Variants in CNTNAP2 observed in about 807,000 individuals in gnomAD.
CNTNAP2 encodes the protein contactin-associated protein-like 2.
In CNTNAP2, 98 loss-of-function variants were observed where a neutral mutation model predicts 155.2. The observed-to-expected ratio is 0.63, with a 90% confidence interval of 0.54 to 0.75. The LOEUF is 0.75. Ranked by LOEUF, CNTNAP2 falls within the 30% of genes least tolerant of loss-of-function variation. The pLI is 0.00. For missense variants in CNTNAP2, 1,727 were observed against 1,688.1 expected (o/e 1.02, Z -0.40); for synonymous variants, 651 against 631.2 (o/e 1.03, Z -0.47).
At chr7:146,194,505 T>G (rs1312633615) in intron 1 of CNTNAP2, among the ~76,000 whole-genome samples, 1 of 152,104 alleles carries the variant, frequency 6.6e-6, no homozygotes, top group Non-Finnish European at 1.5e-5. Flanking sequence ...TCCCCGTGAG[T>G]CAATTACCTC....
At chr7:146,559,672 T>G (rs1265215538) in intron 1 of CNTNAP2, among the ~76,000 whole-genome samples, 1 of 152,214 alleles carries the variant, frequency 6.6e-6, no homozygotes, top group Non-Finnish European at 1.5e-5. Flanking sequence ...AGTGCCTGTA[T>G]AACAGAATAT....
intron 12 of CNTNAP2, among the ~76,000 whole-genome samples, chr7:147,626,489 C>T (rs1317833757): frequency 6.6e-6 from 1 of 152,148 alleles, no homozygotes; most frequent in Non-Finnish European, 1.5e-5. Context: ...CAAGGAGAGG[C>T]TGAGCTCAGA....
chr7:146,956,345 C>T (rs969754392), intron 3 of CNTNAP2, among the ~76,000 whole-genome samples: 7 of 152,054 alleles, frequency 4.6e-5, no homozygotes, highest in Non-Finnish European at 2.9e-5. Context: ...CATCAAGTTG[C>T]ATCTCTCTAA....
chr7:146,812,544 C>T (rs897730282), intron 2 of CNTNAP2, among the ~76,000 whole-genome samples: 3 of 151,554 alleles, frequency 2.0e-5, no homozygotes, highest in African/African-American at 7.3e-5. Context: ...TGGTGTGCTG[C>T]ACCCATTAAC....
At chr7:146,896,320 A>T (rs946492193) in intron 3 of CNTNAP2, among the ~76,000 whole-genome samples, 2 of 152,004 alleles carry the variant, frequency 1.3e-5, no homozygotes, top group African/African-American at 2.4e-5. Flanking sequence ...TGCAGGAAAG[A>T]CTTCCTCTTC....
intron 14 of CNTNAP2, among the ~76,000 whole-genome samples, chr7:147,922,971 C>T (rs1800311323): frequency 1.3e-5 from 2 of 151,930 alleles, no homozygotes; most frequent in African/African-American, 4.8e-5. Flanking sequence ...ATAGGAGTTT[C>T]CAGCAAGCAT....
intron 1 of CNTNAP2, among the ~76,000 whole-genome samples, chr7:146,303,231 A>G (rs1422715648): frequency 6.6e-6 from 1 of 152,106 alleles, no homozygotes; most frequent in African/African-American, 2.4e-5. Context: ...ACTTAGGCAT[A>G]GCTTTTAAAT....
At chr7:147,062,388 C>T (rs2129262816) in intron 4 of CNTNAP2, among the ~76,000 whole-genome samples, 1 of 151,886 alleles carries the variant, frequency 6.6e-6, no homozygotes, top group South Asian at 2.1e-4. Context: ...TAGTTTAGAG[C>T]AGAGTATGCA....
chr7:147,781,718 G>A (rs565459178), intron 13 of CNTNAP2, among the ~76,000 whole-genome samples: 12 of 152,226 alleles, frequency 7.9e-5, no homozygotes, highest in African/African-American at 2.9e-4. Flanking sequence ...AGCCTTTCAT[G>A]CACCTGATAG....
At chr7:148,187,132 ACACACACACACACAC>A (rs1562988452) in intron 18 of CNTNAP2, among the ~76,000 whole-genome samples, 3 of 151,138 alleles carry the variant, frequency 2.0e-5, no homozygotes, top group Non-Finnish European at 2.9e-5. Flanking sequence ...ACACACACAC[ACACACACACACACAC>A]AAACAGAGCC....
intron 22 of CNTNAP2, among the ~76,000 whole-genome samples, chr7:148,393,836 A>G (rs1332396112): frequency 6.6e-6 from 1 of 152,000 alleles, no homozygotes; most frequent in East Asian, 1.9e-4. Context: ...GTATCTTTGC[A>G]TATGTTTATA....
At chr7:147,353,464 A>C (rs1796004434) in intron 9 of CNTNAP2, among the ~76,000 whole-genome samples, 1 of 152,058 alleles carries the variant, frequency 6.6e-6, no homozygotes, top group Non-Finnish European at 1.5e-5. Flanking sequence ...TGTCCCTGCA[A>C]AGGACATGAA....
chr7:148,185,203 A>G (rs1044204927), intron 18 of CNTNAP2, among the ~76,000 whole-genome samples: 18 of 152,220 alleles, frequency 1.2e-4, no homozygotes, highest in African/African-American at 4.3e-4. Context: ...CCTCAGAGTT[A>G]TACTAGTTCA....
rs558594654 is a variant in CNTNAP2, at chr7:146,511,212, A to G, written c.98-263059A>G. Among the ~76,000 whole-genome samples the G allele has an allele frequency of 9.2e-5, 14 of 152,150 alleles. 1 individual carries two copies. The highest frequency in any genetic ancestry group is 1.8e-4 in the Non-Finnish European group (12 of 68,022). ...TGCACCCAGCCAGGTTTTTCTTAAT[A>G]TAAGATTGTGCCATCTGTGAACAGG... On this transcript the variant is annotated intron_variant, in intron 1 of 23. Transcript: ENST00000361727.
chr7:147,880,240 A>G (rs1388480886), intron 13 of CNTNAP2, among the ~76,000 whole-genome samples: 1 of 152,204 alleles, frequency 6.6e-6, no homozygotes, highest in African/African-American at 2.4e-5. Context: ...AAGGGTGGTC[A>G]TGGACAAAAG....
intron 15 of CNTNAP2, among the ~76,000 whole-genome samples, chr7:148,032,834 C>G (rs1166301565): frequency 6.6e-6 from 1 of 152,164 alleles, no homozygotes; most frequent in Non-Finnish European, 1.5e-5. Context: ...GAAATTCCCC[C>G]TCAACACAAA....
intron 3 of CNTNAP2, among the ~76,000 whole-genome samples, chr7:146,843,251 A>C: frequency 6.9e-6 from 1 of 144,874 alleles, no homozygotes; most frequent in African/African-American, 2.7e-5. Flanking sequence ...TGACCTCATG[A>C]TCCACCCGCC....
intron 3 of CNTNAP2, among the ~76,000 whole-genome samples, chr7:146,939,637 C>T (rs1297222997): frequency 6.6e-6 from 1 of 152,132 alleles, no homozygotes; most frequent in Non-Finnish European, 1.5e-5. Flanking sequence ...CTTCATTATA[C>T]TTCATTCTTA....
chr7:148,274,190 C>T (rs1026118016), intron 21 of CNTNAP2, among the ~76,000 whole-genome samples: 2 of 152,178 alleles, frequency 1.3e-5, no homozygotes, highest in East Asian at 3.9e-4. Context: ...GCCTGGGTCC[C>T]TCTGTGACTA....
Sources: allele counts gnomAD v4.1 joint callset (sites outside exome capture counted in the v4.1 genomes callset), GRCh38; gene constraint gnomAD v4.1.1; transcripts MANE v1.5; gene names NCBI Gene and HGNC (gene_info 2026-07-23, HGNC 2026-07-21).